The following COL26A1 variants were observed in gnomAD, a reference collection of about 807,000 sequenced individuals.
The protein encoded by COL26A1 is collagen alpha-1(XXVI) chain.
Under a neutral mutation model 59.3 loss-of-function variants are expected in COL26A1, and 41 were observed. That is an observed-to-expected ratio of 0.69 (90% CI 0.54 to 0.90). The LOEUF (loss-of-function observed/expected upper bound fraction) is 0.90. Ranked by LOEUF, COL26A1 falls within the 40% of genes least tolerant of loss-of-function variation. The pLI is 0.00. For synonymous variants in COL26A1, 266 were observed against 256.0 expected, an observed-to-expected ratio of 1.04 and a Z score of -0.37; for missense variants, 612 against 602.3, an observed-to-expected ratio of 1.02 and a Z score of -0.17.
At chr7:101,400,086 C>T (rs528106077) in intron 1 of COL26A1, among the ~76,000 whole-genome samples, 1 of 152,000 alleles carries the variant, frequency 6.6e-6, no homozygotes, top group Non-Finnish European at 1.5e-5. Context: ...GCAGAGGGGA[C>T]AGCAAATATT....
chr7:101,495,321 C>G (rs1794560920), intron 3 of COL26A1, among the ~76,000 whole-genome samples: 2 of 152,250 alleles, frequency 1.3e-5, no homozygotes, highest in East Asian at 1.9e-4. Context: ...CCAAGAGAAG[C>G]TGTCGAGCAA....
chr7:101,388,094 G>GTA (rs1002611150), intron 1 of COL26A1, among the ~76,000 whole-genome samples: 1 of 151,466 alleles, frequency 6.6e-6, no homozygotes, highest in African/African-American at 2.4e-5. Context: ...ATTTCCCAGT[G>GTA]TATAGCACAG....
chr7:101,458,987 T>A (rs891106659), intron 3 of COL26A1, among the ~76,000 whole-genome samples: 3 of 152,030 alleles, frequency 2.0e-5, no homozygotes, highest in African/African-American at 7.2e-5. Context: ...TTTATTTCAT[T>A]TTTGTTTTGT....
chr7:101,541,285 G>A (rs2130657404), intron 5 of COL26A1, among the ~76,000 whole-genome samples: 1 of 152,276 alleles, frequency 6.6e-6, no homozygotes, highest in South Asian at 2.1e-4. Flanking sequence ...GAACTCTCTG[G>A]CTGGAATTGG....
At chr7:101,382,208 C>T (rs1369795218) in intron 1 of COL26A1, among the ~76,000 whole-genome samples, 1 of 151,994 alleles carries the variant, frequency 6.6e-6, no homozygotes, top group Non-Finnish European at 1.5e-5. Flanking sequence ...GCTACCATAT[C>T]TGGTCAATTT....
chr7:101,546,712 C>T (rs1341111911), intron 7 of COL26A1, among the ~76,000 whole-genome samples: 1 of 152,150 alleles, frequency 6.6e-6, no homozygotes, highest in African/African-American at 2.4e-5. Flanking sequence ...GACTCCACCC[C>T]TGCTCCAGGC....
chr7:101,431,674 T>C (rs563440844), intron 2 of COL26A1, among the ~76,000 whole-genome samples: 4 of 152,318 alleles, frequency 2.6e-5, no homozygotes, highest in African/African-American at 9.6e-5. Context: ...CTTCTTTGCA[T>C]TGATTGATAT....
chr7:101,486,395 T>C (rs1203851700), intron 3 of COL26A1, among the ~76,000 whole-genome samples: 1 of 152,108 alleles, frequency 6.6e-6, no homozygotes, highest in Non-Finnish European at 1.5e-5. Context: ...GGTCTTGGGG[T>C]TCACAGGCCA....
chr7:101,375,088 A>T (rs1584350397), intron 1 of COL26A1, among the ~76,000 whole-genome samples: 3 of 151,586 alleles, frequency 2.0e-5, no homozygotes, highest in African/African-American at 4.9e-5. Flanking sequence ...AATAAATAAA[A>T]AAAAAGAGGA....
Position 101,458,804 on chromosome 7 carries a change from C to CTT in COL26A1, c.385+11030_385+11031dup, listed in dbSNP as rs35208249. On this transcript the variant is annotated intron_variant, in intron 3 of 12. Transcript: ENST00000313669. The stretch of plus-strand genomic sequence containing the variant: ...GCCAGTGTAGAACTGAAACCTGGGT[C>CTT]TTTTTTTTTTTTTTGGAGACATGGT... Among the ~76,000 whole-genome samples, 36 of 140,430 alleles carry CTT rather than the reference C, an allele frequency of 2.6e-4. 3 individuals carry two copies. The highest frequency in any genetic ancestry group is 3.7e-4 in the African/African-American group (14 of 37,948). The allele number at this position is 140,430 out of a possible 152,430, so 92.1% of individuals were successfully genotyped here. A position where few individuals can be genotyped will look rare whatever the true frequency, so the allele number is the denominator to read the frequency against.
chr7:101,388,235 G>A (rs932042479), intron 1 of COL26A1, among the ~76,000 whole-genome samples: 1 of 151,846 alleles, frequency 6.6e-6, no homozygotes, highest in Non-Finnish European at 1.5e-5. Context: ...TACTTTGGGA[G>A]GCTAAGGCGG....
At chr7:101,436,216 C>T (rs536640354) in intron 2 of COL26A1, among the ~76,000 whole-genome samples, 9 of 152,274 alleles carry the variant, frequency 5.9e-5, no homozygotes, top group South Asian at 2.1e-4. Context: ...GTCTGGCTCT[C>T]GGGAACGTCT....
chr7:101,513,861 G>A (rs1476819331), intron 3 of COL26A1, among the ~76,000 whole-genome samples: 3 of 152,148 alleles, frequency 2.0e-5, no homozygotes, highest in Non-Finnish European at 4.4e-5. Context: ...TTGACGACGG[G>A]CTGGTATTGG....
chr7:101,534,156 C>T (rs79976894), intron 4 of COL26A1, among the ~76,000 whole-genome samples: 17,288 of 152,188 alleles, frequency 0.11, 1,206 homozygotes, highest in Middle Eastern at 0.22. Context: ...TGCCTGGCCC[C>T]CCAGGGGAGA....
At chr7:101,385,688 AT>A (rs1027044699) in intron 1 of COL26A1, among the ~76,000 whole-genome samples, 5 of 143,972 alleles carry the variant, frequency 3.5e-5, no homozygotes. Context: ...ATTGAAAAAA[AT>A]TTTTTTTAAT....
In COL26A1 at chr7:101,553,386, G is replaced by C. The variant is rs1321404850; in HGVS notation, c.1080+10G>C. 1 of 1,613,256 alleles carries C rather than the reference G, an allele frequency of 6.2e-7. No individual in the cohort carries two copies. Among genetic ancestry groups the C allele is most frequent in the Non-Finnish European group, 8.5e-7 (1 of 1,179,508 alleles). On this transcript the variant is annotated intron_variant, in intron 11 of 12. Transcript: ENST00000313669. Reference sequence around the variant, plus strand: ...AGCCGCCACTGCAGAGGTAACCATGGCTGCCCTTCACGTTCCCTCCCGCCT... The same window carrying C: ...AGCCGCCACTGCAGAGGTAACCATGCCTGCCCTTCACGTTCCCTCCCGCCT...
At chr7:101,476,847 ATT>A (rs140791070) in intron 3 of COL26A1, among the ~76,000 whole-genome samples, 12,442 of 111,868 alleles carry the variant, frequency 0.11, 601 homozygotes, top group Middle Eastern at 0.22. Flanking sequence ...ATGCCCAGCC[ATT>A]TTTTTTTTTT....
At chr7:101,432,524 G>A (rs1291847685) in intron 2 of COL26A1, among the ~76,000 whole-genome samples, 1 of 152,108 alleles carries the variant, frequency 6.6e-6, no homozygotes, top group African/African-American at 2.4e-5. Flanking sequence ...CTGGGAGGAT[G>A]TCAGGCATGA....
intron 3 of COL26A1, among the ~76,000 whole-genome samples, chr7:101,474,210 T>C (rs1222868287): frequency 6.6e-6 from 1 of 152,144 alleles, no homozygotes; most frequent in Non-Finnish European, 1.5e-5. Context: ...GCCACATAGA[T>C]AGTAAGTGAA....
Sources: allele counts gnomAD v4.1 joint callset (sites outside exome capture counted in the v4.1 genomes callset), GRCh38; gene constraint gnomAD v4.1.1; transcripts MANE v1.5; gene names NCBI Gene and HGNC (gene_info 2026-07-23, HGNC 2026-07-21).